Variants in ATF7IP observed in about 807,000 individuals in gnomAD.
ATF7IP encodes the protein activating transcription factor 7 interacting protein.
In ATF7IP, 23 loss-of-function variants were observed where a neutral mutation model predicts 106.4. The ratio of observed to expected loss-of-function variants is 0.22; its 90% CI spans 0.16 to 0.31. ATF7IP has a LOEUF of 0.31. Ranked by LOEUF, ATF7IP falls within the 10% of genes least tolerant of loss-of-function variation. The pLI, the probability that ATF7IP is intolerant of heterozygous loss-of-function variation, is 1.00. For missense variants in ATF7IP, 1,334 were observed against 1,524.3 expected (o/e 0.88, Z 2.08); for synonymous variants, 542 against 539.0 (o/e 1.01, Z -0.08).
intron 1 of ATF7IP, among the ~76,000 whole-genome samples, chr12:14,403,687 C>T (rs940014153): frequency 6.6e-6 from 1 of 152,082 alleles, no homozygotes; most frequent in Non-Finnish European, 1.5e-5. Flanking sequence ...TGTGAACCCT[C>T]CAAAAGAGCT....
Position 14,424,174 on chromosome 12 carries a change from G to A in ATF7IP, c.259G>A (p.Glu87Lys). 6.2e-7 allele frequency: 1 copy of A among 1,614,204 alleles called. No homozygotes were observed. The highest frequency in any genetic ancestry group is 1.1e-5 in the South Asian group (1 of 91,086). Residue 87 changes from glutamate (E) to lysine (K), a missense_variant, in exon 2 of 15, where the codon GAA becomes AAA. Physicochemically the swap from Glu to Lys is moderately conservative, Grantham distance 56. Coordinates refer to ENST00000261168, the MANE Select transcript of ATF7IP (RefSeq NM_018179.5). ...TTTTGATCCTGAAGGAAGTAAAGCA[G>A]AATGGAAGGAAACACCCTGTATCCT... ...ICFDPEGSKA[E>K]WKETPCILSV...
intron 1 of ATF7IP, among the ~76,000 whole-genome samples, chr12:14,390,376 A>G (rs1939478260): frequency 6.6e-6 from 1 of 152,250 alleles, no homozygotes; most frequent in Non-Finnish European, 1.5e-5. Flanking sequence ...ATCCAATGGC[A>G]TAACAACAAG....
At chr12:14,390,278 G>A (rs553441344) in intron 1 of ATF7IP, among the ~76,000 whole-genome samples, 5 of 152,302 alleles carry the variant, frequency 3.3e-5, no homozygotes, top group African/African-American at 1.2e-4. Context: ...TATAAAGTCA[G>A]TTTACTCTTT....
At chr12:14,378,241 G>A (rs1938843752) in intron 1 of ATF7IP, among the ~76,000 whole-genome samples, 1 of 151,870 alleles carries the variant, frequency 6.6e-6, no homozygotes, top group South Asian at 2.1e-4. Context: ...GGTATTACAG[G>A]CACATGCCAC....
intron 9 of ATF7IP, among the ~76,000 whole-genome samples, chr12:14,463,512 T>C (rs1943716674): frequency 6.6e-6 from 1 of 152,196 alleles, no homozygotes; most frequent in Non-Finnish European, 1.5e-5. Context: ...ATTAAATAAC[T>C]AATTAATTAT....
At chr12:14,480,699 A>G (rs1036316682) in intron 12 of ATF7IP, among the ~76,000 whole-genome samples, 2 of 152,226 alleles carry the variant, frequency 1.3e-5, no homozygotes, top group African/African-American at 4.8e-5. Flanking sequence ...CTCCTGTGGC[A>G]TCATACTCTT....
rs1944411456 is a variant in ATF7IP at position 14,481,034 on chromosome 12, A to G, written c.3129A>G (p.Pro1043=). 1.2e-6 allele frequency: 2 copies of G among 1,613,902 alleles called. No individual in the cohort carries two copies. Among genetic ancestry groups the G allele is most frequent in the South Asian group, 1.1e-5 (1 of 91,088 alleles). ...APTTVNVTHR[P]VTQVTTRLPV... The stretch of plus-strand genomic sequence containing the variant: ...CTACCGTGAATGTAACACATCGTCC[A>G]GTAACTCAGGTGACCACAAGACTCC... Residue 1043 remains proline, a synonymous_variant, in exon 13 of 15, where the codon CCA becomes CCG. Transcript: ENST00000261168.
intron 13 of ATF7IP, among the ~76,000 whole-genome samples, chr12:14,494,429 ATATAT>A (rs1250449737): frequency 7.0e-6 from 1 of 143,566 alleles, no homozygotes; most frequent in Non-Finnish European, 1.5e-5. Context: ...TATATATTTT[ATATAT>A]TATATATGTA....
intron 2 of ATF7IP, among the ~76,000 whole-genome samples, chr12:14,430,894 G>T (rs1942083752): frequency 6.6e-6 from 1 of 152,182 alleles, no homozygotes. Context: ...AACAAGGACA[G>T]AATTAAGAGG....
chr12:14,404,129 A>G (rs1198803068), intron 1 of ATF7IP, among the ~76,000 whole-genome samples: 2 of 65,526 alleles, frequency 3.1e-5, no homozygotes, highest in African/African-American at 1.1e-4. Context: ...ACACATTTGT[A>G]AGCTTTTTTT....
chr12:14,490,093 C>T (rs1319447918), intron 13 of ATF7IP, among the ~76,000 whole-genome samples: 1 of 152,220 alleles, frequency 6.6e-6, no homozygotes, highest in Non-Finnish European at 1.5e-5. Context: ...ATAGTCACGT[C>T]AGCCTTGGTA....
Position 14,438,280 on chromosome 12 carries a change from AC to A in ATF7IP, c.1929+14del. On this transcript the variant is annotated intron_variant, in intron 5 of 14. Coordinates refer to ENST00000261168, the MANE Select transcript of ATF7IP (RefSeq NM_018179.5). Reference sequence around the variant, plus strand: ...CACTGAACTACAGGTTTGTACATTGACTTGAGTTGTATACTCCATGTGTCAT... The same window carrying A: ...CACTGAACTACAGGTTTGTACATTGATTGAGTTGTATACTCCATGTGTCAT... The A allele has an allele frequency of 6.2e-7, 1 of 1,607,508 alleles. No individual in the cohort carries two copies. The highest frequency in any genetic ancestry group is 1.1e-5 in the South Asian group (1 of 90,662).
At chr12:14,374,272 A>AT (rs563859251) in intron 1 of ATF7IP, among the ~76,000 whole-genome samples, 5,938 of 105,446 alleles carry the variant, frequency 0.056, 326 homozygotes, top group African/African-American at 0.095. Context: ...TAATTTTGTA[A>AT]TTTTTTTTTT....
intron 2 of ATF7IP, among the ~76,000 whole-genome samples, chr12:14,433,672 A>G (rs1467732462): frequency 6.7e-6 from 1 of 148,978 alleles, no homozygotes; most frequent in Non-Finnish European, 1.5e-5. Context: ...CTCAGTCTCA[A>G]AAAAAAAAAA....
At chr12:14,390,709 GATA>G (rs1939497764) in intron 1 of ATF7IP, among the ~76,000 whole-genome samples, 1 of 152,158 alleles carries the variant, frequency 6.6e-6, no homozygotes, top group Admixed American at 6.5e-5. Flanking sequence ...CACTAGATTA[GATA>G]ATGGCCGTTA....
At chr12:14,400,745 T>TA (rs1279573723) in intron 1 of ATF7IP, among the ~76,000 whole-genome samples, 1 of 152,308 alleles carries the variant, frequency 6.6e-6, no homozygotes, top group East Asian at 1.9e-4. Context: ...TGTTTGTCCT[T>TA]AAAAATGGAT....
At chr12:14,465,294 A>G (rs953834573) in intron 9 of ATF7IP, among the ~76,000 whole-genome samples, 1 of 152,070 alleles carries the variant, frequency 6.6e-6, no homozygotes, top group African/African-American at 2.4e-5. Context: ...CTTTTTATGT[A>G]AAGTTATCTT....
At chr12:14,426,627 G>A (rs1387604873) in intron 2 of ATF7IP, among the ~76,000 whole-genome samples, 3 of 149,114 alleles carry the variant, frequency 2.0e-5, no homozygotes, top group Admixed American at 6.7e-5. Flanking sequence ...AGGAGTTCGA[G>A]ACCAGCCTGG....
Position 14,481,178 on chromosome 12 carries a change from C to T in ATF7IP, c.3273C>T (p.Pro1091=). The change falls in exon 13 of 15, where the codon CCC becomes CCT. Residue 1091 remains proline (P), a synonymous_variant. Coordinates refer to ENST00000261168, the MANE Select transcript of ATF7IP (RefSeq NM_018179.5). The stretch of plus-strand genomic sequence containing the variant: ...CTCCTGCTGTTCGGCAGGTCAATCC[C>T]CAAAATAGTAAGAGATTTTTCTTGT... ...MQAPAVRQVN[P]QNSVTVRVPQ... The T allele has an allele frequency of 6.2e-7, 1 of 1,613,640 alleles. No homozygotes were observed. The highest frequency in any genetic ancestry group is 8.5e-7 in the Non-Finnish European group (1 of 1,179,936).
Sources: allele counts gnomAD v4.1 joint callset (sites outside exome capture counted in the v4.1 genomes callset), GRCh38; gene constraint gnomAD v4.1.1; transcripts MANE v1.5; gene names NCBI Gene and HGNC (gene_info 2026-07-23, HGNC 2026-07-21).